Variants in LZTFL1 observed in about 807,000 individuals in gnomAD.
LZTFL1 encodes the protein leucine zipper transcription factor like 1.
In LZTFL1, 25 loss-of-function variants were observed where a neutral mutation model predicts 45.9. That is an observed-to-expected ratio of 0.54 (90% CI 0.40 to 0.76). The LOEUF is 0.76. Ranked by LOEUF, LZTFL1 falls within the 30% of genes least tolerant of loss-of-function variation. The pLI is 0.00. For synonymous variants in LZTFL1, 93 were observed against 117.4 expected (o/e 0.79, Z 1.35); for missense variants, 277 against 331.1 (o/e 0.84, Z 1.27).
At chr3:45,899,804 G>A (rs538948767) in intron 2 of LZTFL1, among the ~76,000 whole-genome samples, 1 of 152,250 alleles carries the variant, frequency 6.6e-6, no homozygotes, top group East Asian at 1.9e-4. Context: ...CCCACCCCAG[G>A]TTTGACTCAA....
chr3:45,878,476 G>A (rs62245079), intron 2 of LZTFL1, among the ~76,000 whole-genome samples: 12,560 of 152,072 alleles, frequency 0.083, 631 homozygotes, highest in East Asian at 0.25. Context: ...AGGGGTTGGC[G>A]CTATGGACAA....
chr3:45,901,584 T>C lies in LZTFL1; in HGVS notation c.-215+11536A>G. On this transcript the variant is annotated intron_variant, in intron 2 of 4. Coordinates refer to the LZTFL1 transcript ENST00000472635. This position sits in a 1 kb window ranked among gnomAD's most constrained non-coding sequence, Gnocchi z 4.3. ...CACTGTCCTGACCGTCTTTGTCTTGTCTCAGTTTCCCTACAACTGCATTTT... is the reference window on the plus strand; with the variant it reads ...CACTGTCCTGACCGTCTTTGTCTTGCCTCAGTTTCCCTACAACTGCATTTT... 1.2e-6 allele frequency: 2 copies of C among 1,614,192 alleles called. No homozygotes were observed. Among genetic ancestry groups the C allele is most frequent in the Non-Finnish European group, 1.7e-6 (2 of 1,180,018 alleles).
intron 4 of LZTFL1, among the ~76,000 whole-genome samples, chr3:45,851,922 T>C (rs1448148716): frequency 3.3e-5 from 5 of 152,260 alleles, no homozygotes; most frequent in South Asian, 2.1e-4. Context: ...TGACATTTTT[T>C]CCCCAATTTT....
intron 2 of LZTFL1, among the ~76,000 whole-genome samples, chr3:45,867,977 CAAG>C (rs1353312855): frequency 6.8e-6 from 1 of 147,890 alleles, no homozygotes; most frequent in African/African-American, 2.5e-5. Context: ...AATTTTCTTT[CAAG>C]AAGATTTTCC....
chr3:45,828,247 T>A (rs910958048), intron 8 of LZTFL1, among the ~76,000 whole-genome samples, 192 bp downstream of exon 8: 1 of 152,160 alleles, frequency 6.6e-6, no homozygotes, highest in African/African-American at 2.4e-5. Flanking sequence ...ATCACAGATA[T>A]TTTAGTACCA....
At chr3:45,851,967 C>G (rs1701316951) in intron 4 of LZTFL1, among the ~76,000 whole-genome samples, 1 of 152,080 alleles carries the variant, frequency 6.6e-6, no homozygotes. Flanking sequence ...CATTGTGGGT[C>G]AGCTCCTGCT....
Position 45,901,422 on chromosome 3 carries a change from T to C in LZTFL1, c.-215+11698A>G. On this transcript the variant is annotated intron_variant, in intron 2 of 4. Transcript: ENST00000472635. The surrounding 1 kb of genome is among the most constrained non-coding windows in gnomAD (Gnocchi z 4.3). The stretch of plus-strand genomic sequence containing the variant: ...TAGCGATGAGAGCACCAAACTGAAG[T>C]CAGCTGTCTTGACCCTGAAGGTCAT... 1 of 1,614,192 alleles carries C rather than the reference T, an allele frequency of 6.2e-7. No homozygotes were observed.
chr3:45,861,509 G>T (rs1701490997), intron 2 of LZTFL1, among the ~76,000 whole-genome samples: 1 of 152,146 alleles, frequency 6.6e-6, no homozygotes, highest in African/African-American at 2.4e-5. Flanking sequence ...GCTGAGGAGG[G>T]GTGGGGGAAT....
chr3:45,828,572 A>G lies in LZTFL1; in HGVS notation c.644T>C (p.Val215Ala). Residue 215 changes from valine to alanine, a missense_variant, in exon 8 of 10, where the codon GTC (valine) becomes GCC (alanine). Coordinates refer to ENST00000296135, the MANE Select transcript of LZTFL1 (RefSeq NM_020347.4). ...CTGAAACTCACTCTTTAAGGCAGCG[A>G]CAGTGTTTTCTAAGTTACTTAAGTC... ...AQDLSNLENT[V>A]AALKSEFQKT... is the part of the protein sequence containing the mutation. The G allele has an allele frequency of 6.2e-7, 1 of 1,614,170 alleles. No individual in the cohort carries two copies. Among genetic ancestry groups the G allele is most frequent in the Non-Finnish European group, 8.5e-7 (1 of 1,180,010 alleles).
At chr3:45,870,807 CCT>C (rs1170800808) in intron 2 of LZTFL1, among the ~76,000 whole-genome samples, 4 of 152,222 alleles carry the variant, frequency 2.6e-5, no homozygotes, top group Non-Finnish European at 5.9e-5. Flanking sequence ...TCCACCACCC[CCT>C]GACTTCTTCC....
intron 4 of LZTFL1, among the ~76,000 whole-genome samples, chr3:45,850,945 G>A (rs78985311): frequency 0.034 from 5,145 of 152,164 alleles, 286 homozygotes; most frequent in African/African-American, 0.12. Flanking sequence ...CAGGTGACCT[G>A]CAGAATGGCT....
intron 2 of LZTFL1, among the ~76,000 whole-genome samples, chr3:45,889,493 T>C (rs1438599276): frequency 1.3e-5 from 2 of 152,068 alleles, no homozygotes; most frequent in Non-Finnish European, 1.5e-5. Context: ...TCTTCTTCTT[T>C]TTTTTTTAAA....
At chr3:45,848,464 C>T (rs952599352) in intron 4 of LZTFL1, among the ~76,000 whole-genome samples, 1 of 152,210 alleles carries the variant, frequency 6.6e-6, no homozygotes, top group African/African-American at 2.4e-5. Flanking sequence ...TTGCGCTACA[C>T]ACAAAATATG....
chr3:45,857,569 C>T (rs921136876), intron 3 of LZTFL1, among the ~76,000 whole-genome samples: 17 of 152,150 alleles, frequency 1.1e-4, no homozygotes, highest in African/African-American at 3.6e-4. Flanking sequence ...CCTGACTTTT[C>T]GGACTGTTAT....
chr3:45,881,231 G>T (rs1325488093), intron 2 of LZTFL1, among the ~76,000 whole-genome samples: 1 of 152,160 alleles, frequency 6.6e-6, no homozygotes, highest in Non-Finnish European at 1.5e-5. Context: ...GCTGCAGTGG[G>T]GAATATCTAA....
chr3:45,870,337 C>T lies in LZTFL1; in HGVS notation c.-214-11321G>A, dbSNP rs557787130. On this transcript the variant is annotated intron_variant, in intron 2 of 4. Transcript: ENST00000472635. ...GTTGACAATCAGATGGCACAGAAGC[C>T]TGGAAACTAAGTTATCAGTTAATCA... Among the ~76,000 whole-genome samples, 3 of 152,308 alleles carry T rather than the reference C, an allele frequency of 2.0e-5. No individual in the cohort carries two copies. In the East Asian group the frequency reaches 5.8e-4, roughly 29 times the overall value.
In LZTFL1 at chr3:45,866,396, A is replaced by G. The variant is rs1166189065; in HGVS notation, c.-214-7380T>C. On this transcript the variant is annotated intron_variant, in intron 2 of 4. Coordinates refer to the LZTFL1 transcript ENST00000472635. Reference sequence around the variant, plus strand: ...AAAATTTAAAAGCCCCTACACTTTCAAAAAGAAAACCGTTAACATTTTGGG... The same window carrying G: ...AAAATTTAAAAGCCCCTACACTTTCGAAAAGAAAACCGTTAACATTTTGGG... Among the ~76,000 whole-genome samples the G allele has an allele frequency of 2.0e-5, 3 of 152,368 alleles. No homozygotes were observed. The East Asian group carries it at 5.8e-4, about 29-fold the overall frequency.
At position 45,901,994 on chromosome 3, in the gene LZTFL1, G is replaced by C. The variant is rs1702576227; in HGVS notation, c.-215+11126C>G. On this transcript the variant is annotated intron_variant, in intron 2 of 4. Transcript: ENST00000472635. The surrounding 1 kb of genome is among the most constrained non-coding windows in gnomAD (Gnocchi z 4.3). ...GGACCAGAGAGAGTGAAAGAGAAAA[G>C]AAAACTCAGAAAGGGATGAATCTGA... 1 of 1,033,230 alleles carries C rather than the reference G, an allele frequency of 9.7e-7. No homozygotes were observed. 64.0% of individuals were successfully genotyped at this position (1,033,230 alleles called of 1,614,324 possible).
chr3:45,866,376 T>A (rs1168361589), intron 2 of LZTFL1, among the ~76,000 whole-genome samples: 1 of 152,172 alleles, frequency 6.6e-6, no homozygotes, highest in Non-Finnish European at 1.5e-5. Flanking sequence ...GACGAAAAAT[T>A]TAAAAGCCCC....
Sources: gnomAD v4.1 joint callset for allele counts (sites outside exome capture counted in the v4.1 genomes callset) on GRCh38, gnomAD v4.1.1 for gene constraint, Gnocchi (gnomAD v3.1) non-coding constraint, MANE v1.5 for transcripts, NCBI Gene and HGNC (gene_info 2026-07-23, HGNC 2026-07-21) for gene names.